The following RBFOX1 variants were observed in gnomAD, a reference collection of about 807,000 sequenced individuals.
The protein encoded by RBFOX1 is RNA binding protein fox-1 homolog 1.
In RBFOX1, 8 loss-of-function variants were observed where a neutral mutation model predicts 57.7. That is an observed-to-expected ratio of 0.14 (90% CI 0.08 to 0.25). RBFOX1 has a LOEUF of 0.25. Among genes scored for constraint, RBFOX1 ranks in the 10% least tolerant of loss-of-function variants. The pLI is 1.00. For synonymous variants in RBFOX1, 326 were observed against 222.4 expected (o/e 1.47, Z -4.15); for missense variants, 611 against 548.5 (o/e 1.11, Z -1.14).
intron 4 of RBFOX1, among the ~76,000 whole-genome samples, chr16:7,096,257 G>A (rs1473238616): frequency 6.6e-6 from 1 of 152,134 alleles, no homozygotes; most frequent in Non-Finnish European, 1.5e-5. Flanking sequence ...GCTAAGTGGA[G>A]ACTCAAAGGG....
At chr16:5,749,178 A>T (rs1200383560) in intron 3 of RBFOX1, among the ~76,000 whole-genome samples, 1 of 151,956 alleles carries the variant, frequency 6.6e-6, no homozygotes, top group African/African-American at 2.4e-5. Flanking sequence ...TTCTTTAAGA[A>T]TGTTGAATAT....
At chr16:7,166,271 T>G (rs2079491808) in intron 4 of RBFOX1, among the ~76,000 whole-genome samples, 1 of 139,348 alleles carries the variant, frequency 7.2e-6, no homozygotes, top group African/African-American at 2.5e-5. Context: ...TTGTCGGACT[T>G]CCCAAGTGCT....
intron 4 of RBFOX1, among the ~76,000 whole-genome samples, chr16:5,909,805 A>C (rs376601137): frequency 6.6e-6 from 1 of 152,160 alleles, no homozygotes; most frequent in African/African-American, 2.4e-5. Flanking sequence ...TAATCTCAGC[A>C]CTTTGGGAGA....
chr16:6,888,752 C>A (rs891840218), intron 3 of RBFOX1, among the ~76,000 whole-genome samples: 2 of 152,148 alleles, frequency 1.3e-5, no homozygotes, highest in African/African-American at 2.4e-5. Context: ...TTTGTGAGCT[C>A]ATGCCTTAGT....
intron 3 of RBFOX1, among the ~76,000 whole-genome samples, chr16:5,821,669 C>T (rs569272175): frequency 3.9e-5 from 6 of 152,188 alleles, no homozygotes; most frequent in Admixed American, 2.0e-4. Context: ...TAACAAAATT[C>T]CTGAGACTGT....
rs1224781894 is a variant in RBFOX1 at position 7,493,900 on chromosome 16, A to T, written c.28-24247A>T. On this transcript the variant is annotated intron_variant, in intron 4 of 15. Transcript: ENST00000550418. ...TCATCATCATTATCGTCATCTCAGT[A>T]GGTGCTTGGTTTTAGTTTGGGTTCT... Among the ~76,000 whole-genome samples, 3 of 152,234 alleles carry T rather than the reference A, an allele frequency of 2.0e-5. No individual in the cohort carries two copies. In the East Asian group the frequency reaches 5.8e-4, roughly 29 times the overall value.
intron 3 of RBFOX1, among the ~76,000 whole-genome samples, chr16:6,955,963 C>T (rs1447035633): frequency 6.6e-6 from 1 of 152,130 alleles, no homozygotes; most frequent in Admixed American, 6.6e-5. Flanking sequence ...ACCTTGGCCT[C>T]CCGAAGTGCT....
At chr16:6,807,649 C>G (rs146102804) in intron 3 of RBFOX1, among the ~76,000 whole-genome samples, 3 of 152,080 alleles carry the variant, frequency 2.0e-5, no homozygotes, top group East Asian at 1.9e-4. Context: ...AAGCCCATCT[C>G]CACTAAAAAT....
chr16:5,839,708 C>G (rs900081831), intron 3 of RBFOX1, among the ~76,000 whole-genome samples: 1 of 141,834 alleles, frequency 7.1e-6, no homozygotes, highest in Non-Finnish European at 1.6e-5. Flanking sequence ...TATTTGTAGT[C>G]TTAGGGTTAC....
At chr16:7,178,351 C>G (rs533091942) in intron 4 of RBFOX1, among the ~76,000 whole-genome samples, 3 of 152,272 alleles carry the variant, frequency 2.0e-5, no homozygotes, top group African/African-American at 4.8e-5. Context: ...AATTAAATGA[C>G]TGGGTCACTA....
chr16:6,757,362 T>C (rs1016239501), intron 3 of RBFOX1, among the ~76,000 whole-genome samples: 2 of 152,188 alleles, frequency 1.3e-5, no homozygotes, highest in African/African-American at 4.8e-5. Flanking sequence ...TACTGCAGCA[T>C]TATTTACAAT....
chr16:5,755,778 A>C (rs2053372374), intron 3 of RBFOX1, among the ~76,000 whole-genome samples: 3 of 151,942 alleles, frequency 2.0e-5, no homozygotes, highest in Admixed American at 6.5e-5. Flanking sequence ...TTTTGTATTT[A>C]GTAGACATGG....
intron 2 of RBFOX1, among the ~76,000 whole-genome samples, chr16:6,629,953 C>A (rs902357377): frequency 8.0e-6 from 1 of 125,244 alleles, no homozygotes; most frequent in Non-Finnish European, 1.6e-5. Context: ...GGCCTTATTT[C>A]GGTAGGTTTT....
chr16:5,500,908 T>C (rs904163120), intron 2 of RBFOX1, among the ~76,000 whole-genome samples: 1 of 152,194 alleles, frequency 6.6e-6, no homozygotes, highest in Non-Finnish European at 1.5e-5. Context: ...AGATGTCATG[T>C]AAGGACAAGG....
intron 3 of RBFOX1, among the ~76,000 whole-genome samples, chr16:5,726,759 C>G (rs1211716581): frequency 6.6e-6 from 1 of 152,204 alleles, no homozygotes; most frequent in Non-Finnish European, 1.5e-5. Flanking sequence ...ATGATTAGTA[C>G]AGATATTTTA....
chr16:5,356,347 C>T (rs981594561), intron 1 of RBFOX1, among the ~76,000 whole-genome samples: 6 of 152,294 alleles, frequency 3.9e-5, no homozygotes, highest in South Asian at 2.1e-4. Context: ...TGTTTTAAGT[C>T]ACCGCATTTG....
Position 7,269,847 on chromosome 16 carries a change from A to G in RBFOX1, c.27+217749A>G, listed in dbSNP as rs80174202. Among the ~76,000 whole-genome samples, 695 of 152,290 alleles carry G rather than the reference A, an allele frequency of 4.6e-3. 6 individuals carry two copies. Among genetic ancestry groups the G allele is most frequent in the African/African-American group, 0.015 (631 of 41,566 alleles). On this transcript the variant is annotated intron_variant, in intron 4 of 15. Transcript: ENST00000550418. ...GAATAGATTTTATGTTGCTTTTTGA[A>G]CTGGTTGTGCCCCTGCACATCCCAT...
intron 4 of RBFOX1, among the ~76,000 whole-genome samples, chr16:7,437,907 T>TAA (rs35968195): frequency 2.1e-5 from 3 of 145,054 alleles, no homozygotes; most frequent in East Asian, 4.0e-4. Flanking sequence ...ACAAATTGCT[T>TAA]AAAAAAAAAA....
Position 5,766,240 on chromosome 16 carries a change from C to T in RBFOX1, c.319-101063C>T, listed in dbSNP as rs116996750. 9.0e-3 allele frequency among the ~76,000 whole-genome samples: 1,365 copies of T among 152,214 alleles called. 5 individuals are homozygous for T. Among genetic ancestry groups the T allele is most frequent in the Middle Eastern group, 0.014 (4 of 294 alleles). ...CATGGCAGAAGGAGAAGGGGCGTCT[C>T]ACATGGCCACAGGAGGAGCAAGAGA... On this transcript the variant is annotated intron_variant, in intron 3 of 19. Transcript: ENST00000641259.
Sources: gnomAD v4.1 joint callset for allele counts (sites outside exome capture counted in the v4.1 genomes callset) on GRCh38, gnomAD v4.1.1 for gene constraint, MANE v1.5 for transcripts, NCBI Gene and HGNC (gene_info 2026-07-23, HGNC 2026-07-21) for gene names.